Variants in MMP16 observed in about 807,000 individuals in gnomAD.
MMP16 encodes matrix metalloproteinase-16.
In MMP16, 12 loss-of-function variants were observed where a neutral mutation model predicts 67.8. That is an observed-to-expected ratio of 0.18 (90% CI 0.11 to 0.29). The LOEUF is 0.29. Among genes scored for constraint, MMP16 ranks in the 10% least tolerant of loss-of-function variants. The pLI is 1.00. For synonymous variants in MMP16, 249 were observed against 255.9 expected (o/e 0.97, Z 0.26); for missense variants, 475 against 765.7 (o/e 0.62, Z 4.48).
At chr8:88,079,811 C>T (rs1394892353) in intron 6 of MMP16, among the ~76,000 whole-genome samples, 1 of 152,166 alleles carries the variant, frequency 6.6e-6, no homozygotes, top group Non-Finnish European at 1.5e-5. Flanking sequence ...GCACTGCCCC[C>T]TCCACTGTGT....
chr8:88,124,783 G>A (rs188927396), intron 4 of MMP16, among the ~76,000 whole-genome samples: 4 of 152,034 alleles, frequency 2.6e-5, no homozygotes, highest in Admixed American at 1.3e-4. Flanking sequence ...CTTTCTCATA[G>A]TTCTGGAGGC....
At chr8:88,209,740 T>C (rs2129814658) in intron 1 of MMP16, among the ~76,000 whole-genome samples, 2 of 152,324 alleles carry the variant, frequency 1.3e-5, no homozygotes, top group Middle Eastern at 6.8e-3. Flanking sequence ...GTCTGGCTTA[T>C]ATTTAGAATA....
chr8:88,306,660 C>T (rs117077233), intron 1 of MMP16, among the ~76,000 whole-genome samples: 4,560 of 152,276 alleles, frequency 0.03, 56 homozygotes, highest in South Asian at 0.046. Flanking sequence ...ATCACCTACA[C>T]ACAACCAAAG....
intron 6 of MMP16, among the ~76,000 whole-genome samples, chr8:88,098,772 T>C (rs935853856): frequency 2.6e-5 from 4 of 151,886 alleles, no homozygotes; most frequent in African/African-American, 7.2e-5. Context: ...AAGTATAATA[T>C]TATGAAAATT....
intron 1 of MMP16, among the ~76,000 whole-genome samples, chr8:88,232,891 T>C (rs141405636): frequency 7.9e-4 from 121 of 152,234 alleles, no homozygotes; most frequent in Non-Finnish European, 1.3e-3. Flanking sequence ...AACCCCATCT[T>C]GAAAAATAGA....
intron 1 of MMP16, among the ~76,000 whole-genome samples, chr8:88,246,175 A>C (rs1563572926): frequency 6.6e-6 from 1 of 152,204 alleles, no homozygotes; most frequent in Non-Finnish European, 1.5e-5. Flanking sequence ...ACATAGCTTC[A>C]CTGGCAGTCA....
chr8:88,226,334 A>G (rs1402369800), intron 1 of MMP16, among the ~76,000 whole-genome samples: 1 of 152,046 alleles, frequency 6.6e-6, no homozygotes, highest in African/African-American at 2.4e-5. Context: ...ACTTATTAAA[A>G]CTGACTATAT....
At chr8:88,069,967 C>T (rs918174439) in intron 7 of MMP16, among the ~76,000 whole-genome samples, 8 of 152,140 alleles carry the variant, frequency 5.3e-5, no homozygotes, top group African/African-American at 1.9e-4. Flanking sequence ...ATTCTGGAAG[C>T]TTTTTGATTG....
intron 4 of MMP16, among the ~76,000 whole-genome samples, chr8:88,149,138 T>C (rs528599867): frequency 1.8e-4 from 27 of 152,164 alleles, no homozygotes; most frequent in Admixed American, 1.0e-3. Flanking sequence ...CACCCGAATA[T>C]TGCGCTTTTC....
chr8:88,234,053 C>T (rs759136826), intron 1 of MMP16, among the ~76,000 whole-genome samples: 1 of 152,088 alleles, frequency 6.6e-6, no homozygotes, highest in Non-Finnish European at 1.5e-5. Flanking sequence ...AAAAAAGAAC[C>T]TAGCAATGAA....
At chr8:88,292,145 TAGA>T (rs1401509480) in intron 1 of MMP16, among the ~76,000 whole-genome samples, 44 of 152,254 alleles carry the variant, frequency 2.9e-4, no homozygotes, top group Non-Finnish European at 5.7e-4. Flanking sequence ...AGAACTATTC[TAGA>T]AGAATTACCT....
chr8:88,156,095 C>G (rs921121870), intron 4 of MMP16, among the ~76,000 whole-genome samples: 14 of 152,056 alleles, frequency 9.2e-5, no homozygotes, highest in African/African-American at 3.4e-4. Context: ...TAAATTAGCA[C>G]TTGATTTTAT....
At chr8:88,308,922 A>G (rs1276410341) in intron 1 of MMP16, among the ~76,000 whole-genome samples, 1 of 152,058 alleles carries the variant, frequency 6.6e-6, no homozygotes, top group Non-Finnish European at 1.5e-5. Context: ...TAATTTAAAA[A>G]ATGCAAATAG....
At chr8:88,108,005 ATAT>A (rs1298756330) in intron 6 of MMP16, among the ~76,000 whole-genome samples, 2 of 151,154 alleles carry the variant, frequency 1.3e-5, no homozygotes, top group Non-Finnish European at 3.0e-5. Context: ...GGTGTTATCT[ATAT>A]TATTATTCCA....
At chr8:88,115,619 G>A (rs1043626331) in intron 6 of MMP16, among the ~76,000 whole-genome samples, 1 of 152,016 alleles carries the variant, frequency 6.6e-6, no homozygotes. Context: ...CAGTATGTAA[G>A]TAGAACAGCA....
chr8:88,233,429 C>G (rs1809893475), intron 1 of MMP16, among the ~76,000 whole-genome samples: 2 of 152,210 alleles, frequency 1.3e-5, no homozygotes, highest in Admixed American at 6.5e-5. Flanking sequence ...TCCTTCCCAC[C>G]ATAATGTCCT....
At chr8:88,315,703 AT>A (rs1370572003) in intron 1 of MMP16, among the ~76,000 whole-genome samples, 6 of 152,174 alleles carry the variant, frequency 3.9e-5, no homozygotes, top group African/African-American at 1.2e-4. Flanking sequence ...CAATATTGAA[AT>A]TAGGCCAGTT....
At chr8:88,278,037 T>C (rs1810676292) in intron 1 of MMP16, among the ~76,000 whole-genome samples, 1 of 152,196 alleles carries the variant, frequency 6.6e-6, no homozygotes, top group African/African-American at 2.4e-5. Context: ...TCTGAAACTC[T>C]ATACATGGCA....
At chr8:88,311,612 A>G (rs1431612318) in intron 1 of MMP16, among the ~76,000 whole-genome samples, 2 of 152,164 alleles carry the variant, frequency 1.3e-5, no homozygotes, top group African/African-American at 4.8e-5. Context: ...GTCATTTTTA[A>G]TGAATTTCTA....
Sources: gnomAD v4.1 joint callset for allele counts (sites outside exome capture counted in the v4.1 genomes callset) on GRCh38, gnomAD v4.1.1 for gene constraint, MANE v1.5 for transcripts, NCBI Gene and HGNC (gene_info 2026-07-23, HGNC 2026-07-21) for gene names.